PPP3CA: variants seen among roughly 807,000 people sequenced by gnomAD.
PPP3CA encodes protein phosphatase 3 catalytic subunit alpha, also known as CAM-PRP catalytic subunit.
A neutral mutation model predicts 66.5 loss-of-function variants in PPP3CA; 14 were observed. The observed-to-expected ratio is 0.21, with a 90% CI of 0.14 to 0.33. The LOEUF is 0.33. Ranked by LOEUF, PPP3CA falls within the 10% of genes least tolerant of loss-of-function variation. PPP3CA has a pLI of 1.00. For missense variants in PPP3CA, 317 were observed against 639.5 expected (o/e 0.50, Z 5.44); for synonymous variants, 232 against 226.2 (o/e 1.03, Z -0.23).
At chr4:101,265,380 A>AG (rs1727138539) in intron 1 of PPP3CA, among the ~76,000 whole-genome samples, 1 of 152,162 alleles carries the variant, frequency 6.6e-6, no homozygotes, top group Non-Finnish European at 1.5e-5. Context: ...AACTGCTGGG[A>AG]TTACAGGTGT....
intron 1 of PPP3CA, among the ~76,000 whole-genome samples, chr4:101,268,742 A>G (rs1727244251): frequency 6.6e-6 from 1 of 152,132 alleles, no homozygotes. Flanking sequence ...TACAAGTAAC[A>G]TATCTGAACC....
At chr4:101,266,102 A>C (rs1344619533) in intron 1 of PPP3CA, among the ~76,000 whole-genome samples, 1 of 152,150 alleles carries the variant, frequency 6.6e-6, no homozygotes, top group Non-Finnish European at 1.5e-5. Flanking sequence ...CAAGTGACTT[A>C]GATATAATAA....
chr4:101,292,974 C>T (rs905027176), intron 1 of PPP3CA, among the ~76,000 whole-genome samples: 1 of 152,162 alleles, frequency 6.6e-6, no homozygotes, highest in Non-Finnish European at 1.5e-5. Flanking sequence ...GTTTGATAAA[C>T]CAACTTGCTA....
At chr4:101,070,965 C>T (rs1008154260) in intron 8 of PPP3CA, among the ~76,000 whole-genome samples, 2 of 152,136 alleles carry the variant, frequency 1.3e-5, no homozygotes, top group African/African-American at 4.8e-5. Flanking sequence ...ACAGTTTCAG[C>T]TAGTGAATTC....
At position 101,156,339 on chromosome 4, in the gene PPP3CA, G is replaced by A. The variant is rs192513930; in HGVS notation, c.259+39577C>T. Among the ~76,000 whole-genome samples, 133 of 152,270 alleles carry A rather than the reference G, an allele frequency of 8.7e-4. 1 individual carries two copies. The highest frequency in any genetic ancestry group is 1.8e-4 in the Non-Finnish European group (12 of 68,022). On this transcript the variant is annotated intron_variant, in intron 2 of 13. Coordinates refer to ENST00000394854, the MANE Select transcript of PPP3CA (RefSeq NM_000944.5). ...AGATTAAAGAAACAGAATAAGATTT[G>A]AAAGCTATTCTAAAACAAAAATCAG... is the stretch of plus-strand genomic sequence containing the variant.
At chr4:101,329,084 CA>C (rs1322693128) in intron 1 of PPP3CA, among the ~76,000 whole-genome samples, 1 of 152,148 alleles carries the variant, frequency 6.6e-6, no homozygotes, top group Non-Finnish European at 1.5e-5. Context: ...CAAGGCATAT[CA>C]AAAGTGGAGA....
chr4:101,312,782 A>G (rs1042681487), intron 1 of PPP3CA, among the ~76,000 whole-genome samples: 4 of 152,226 alleles, frequency 2.6e-5, no homozygotes, highest in Non-Finnish European at 4.4e-5. Context: ...TAAAATGTAT[A>G]AAAGACAGTC....
intron 1 of PPP3CA, among the ~76,000 whole-genome samples, chr4:101,228,796 G>A (rs1182375154): frequency 6.6e-6 from 1 of 151,576 alleles, no homozygotes; most frequent in Non-Finnish European, 1.5e-5. Flanking sequence ...ACAGTCAATG[G>A]CAAATAAATG....
At chr4:101,238,595 A>C (rs897448476) in intron 1 of PPP3CA, among the ~76,000 whole-genome samples, 3 of 152,060 alleles carry the variant, frequency 2.0e-5, no homozygotes, top group African/African-American at 7.2e-5. Flanking sequence ...CTCCATACAA[A>C]GTACTAAAAT....
intron 1 of PPP3CA, among the ~76,000 whole-genome samples, chr4:101,244,730 C>G (rs974617059): frequency 2.6e-5 from 4 of 152,156 alleles, no homozygotes; most frequent in Non-Finnish European, 4.4e-5. Flanking sequence ...ACTTCAGTAC[C>G]TATTCCTTGA....
chr4:101,231,052 C>T (rs1357626010), intron 1 of PPP3CA, among the ~76,000 whole-genome samples: 1 of 151,674 alleles, frequency 6.6e-6, no homozygotes, highest in Non-Finnish European at 1.5e-5. Flanking sequence ...ATTTCCAGAT[C>T]CACGATTTTC....
intron 2 of PPP3CA, among the ~76,000 whole-genome samples, chr4:101,156,536 T>C (rs745743762): frequency 6.6e-6 from 1 of 151,890 alleles, no homozygotes; most frequent in Admixed American, 6.6e-5. Flanking sequence ...CAAAATTAGC[T>C]GGGTGTGGTG....
intron 1 of PPP3CA, among the ~76,000 whole-genome samples, chr4:101,346,462 C>A (rs1262157087): frequency 6.6e-5 from 10 of 152,142 alleles, no homozygotes; most frequent in Admixed American, 6.5e-4. Flanking sequence ...CCACCGCCAC[C>A]CCCGCCGCCA....
chr4:101,290,235 C>G (rs1471015159), intron 1 of PPP3CA, among the ~76,000 whole-genome samples: 1 of 152,170 alleles, frequency 6.6e-6, no homozygotes, highest in Non-Finnish European at 1.5e-5. Context: ...AAGATGCATT[C>G]TATAAGAAAG....
chr4:101,192,417 C>T (rs1426950779), intron 2 of PPP3CA, among the ~76,000 whole-genome samples: 1 of 152,108 alleles, frequency 6.6e-6, no homozygotes, highest in Non-Finnish European at 1.5e-5. Flanking sequence ...TCAAAGATCC[C>T]TTCAACCCCC....
Position 101,059,096 on chromosome 4 carries a change from G to T in PPP3CA, c.1156+1991C>A, listed in dbSNP as rs538872101. ...TACATACTGAAAAACGTTTGTTGAT[G>T]TTTATGATTTAGGTTCCATTTGGTT... is the stretch of plus-strand genomic sequence containing the variant. On this transcript the variant is annotated intron_variant, in intron 10 of 13. Coordinates refer to ENST00000394854, the MANE Select transcript of PPP3CA (RefSeq NM_000944.5). Among the ~76,000 whole-genome samples, 178 of 152,180 alleles carry T rather than the reference G, an allele frequency of 1.2e-3. 1 individual carries two copies. Among genetic ancestry groups the T allele is most frequent in the Middle Eastern group, 0.01 (3 of 294 alleles).
At chr4:101,249,291 T>G (rs959149360) in intron 1 of PPP3CA, among the ~76,000 whole-genome samples, 1 of 152,122 alleles carries the variant, frequency 6.6e-6, no homozygotes, top group Non-Finnish European at 1.5e-5. Flanking sequence ...CACCTTAATA[T>G]AGCATTAGCA....
chr4:101,346,433 C>A (rs1729996946), intron 1 of PPP3CA, among the ~76,000 whole-genome samples: 1 of 152,118 alleles, frequency 6.6e-6, no homozygotes. Flanking sequence ...AGCAACCACC[C>A]CCCGGGCGCC....
chr4:101,089,122 G>C (rs1342346187), intron 6 of PPP3CA, among the ~76,000 whole-genome samples: 1 of 152,148 alleles, frequency 6.6e-6, no homozygotes, highest in Non-Finnish European at 1.5e-5. Context: ...CAGGAAAAGA[G>C]ATGAAGCGGG....
Sources: allele counts gnomAD v4.1 joint callset (sites outside exome capture counted in the v4.1 genomes callset), GRCh38; gene constraint gnomAD v4.1.1; transcripts MANE v1.5; gene names NCBI Gene and HGNC (gene_info 2026-07-23, HGNC 2026-07-21).